Variants in STAT4 observed in about 807,000 individuals in gnomAD.
STAT4 encodes signal transducer and activator of transcription 4.
A neutral mutation model predicts 110.5 loss-of-function variants in STAT4; 42 were observed. The ratio of observed to expected loss-of-function variants is 0.38; its 90% CI spans 0.30 to 0.49. The LOEUF is 0.49. STAT4 is among the 20% of genes least tolerant of loss of function. The pLI, the probability that STAT4 is intolerant of heterozygous loss-of-function variation, is 0.95. For missense variants in STAT4, 632 were observed against 887.9 expected (o/e 0.71, Z 3.66); for synonymous variants, 284 against 302.2 (o/e 0.94, Z 0.63).
At chr2:191,089,377 A>G (rs1160208564) in intron 3 of STAT4, among the ~76,000 whole-genome samples, 1 of 152,234 alleles carries the variant, frequency 6.6e-6, no homozygotes, top group African/African-American at 2.4e-5. Context: ...CATCTATCAG[A>G]ACAATCAAAA....
rs748152156 is a variant in STAT4, at chr2:191,052,310, A to T, written c.1251+2180T>A. ...CGGTTCAATCTGTGGTTTGTTTTTAAATGTACCTAGGAGTCATACTAAAAT... is the reference window on the plus strand; with the variant it reads ...CGGTTCAATCTGTGGTTTGTTTTTATATGTACCTAGGAGTCATACTAAAAT... On this transcript the variant is annotated intron_variant, in intron 14 of 23. Coordinates refer to ENST00000392320, the MANE Select transcript of STAT4 (RefSeq NM_003151.4). 6.8e-3 allele frequency among the ~76,000 whole-genome samples: 1,040 copies of T among 152,284 alleles called. 4 individuals carry two copies. The highest frequency in any genetic ancestry group is 0.01 in the South Asian group (49 of 4,828).
chr2:191,038,437 TAGA>T (rs1222945670), intron 16 of STAT4, among the ~76,000 whole-genome samples: 1 of 152,230 alleles, frequency 6.6e-6, no homozygotes, highest in Non-Finnish European at 1.5e-5. Flanking sequence ...GGATCTAAAG[TAGA>T]AGAATTCTTC....
At chr2:191,134,458 C>G (rs1337117603) in intron 3 of STAT4, among the ~76,000 whole-genome samples, 2 of 152,178 alleles carry the variant, frequency 1.3e-5, no homozygotes, top group African/African-American at 4.8e-5. Context: ...ACATGGTCAG[C>G]CCACTGCTGC....
Position 191,104,971 on chromosome 2 carries a change from T to C in STAT4, c.274-28646A>G, listed in dbSNP as rs1172845047. ...AGGAAAGGTATAATCAGAGTTGGCA[T>C]TATTTTCAGGGAGAAGACCTGCTAT... On this transcript the variant is annotated intron_variant, in intron 3 of 23. Coordinates refer to ENST00000392320, the MANE Select transcript of STAT4 (RefSeq NM_003151.4). This position sits in a 1 kb window ranked among gnomAD's most constrained non-coding sequence, Gnocchi z 4.3. Among the ~76,000 whole-genome samples, 1 of 152,188 alleles carries C rather than the reference T, an allele frequency of 6.6e-6. No individual in the cohort carries two copies. Among genetic ancestry groups the C allele is most frequent in the Non-Finnish European group, 1.5e-5 (1 of 68,032 alleles).
In STAT4 at chr2:191,033,823, GC is replaced by G; in HGVS notation, c.1715+87del. 7.3e-7 allele frequency: 1 copy of G among 1,377,518 alleles called. No individual in the cohort carries two copies. The highest frequency in any genetic ancestry group is 1.0e-6 in the Non-Finnish European group (1 of 1,004,882). 85.3% of individuals were successfully genotyped at this position (1,377,518 alleles called of 1,614,324 possible). A position where few individuals can be genotyped will look rare whatever the true frequency, so the allele number is the denominator to read the frequency against. On this transcript the variant is annotated intron_variant, in intron 19 of 23. Coordinates refer to ENST00000392320, the MANE Select transcript of STAT4 (RefSeq NM_003151.4). This position sits in a 1 kb window ranked among gnomAD's most constrained non-coding sequence, Gnocchi z 6.9. ...TATTTTTTTCTGTGGTACTAAACAT[GC>G]TTAAGAGAAAAAGAAAGAAGAAAAC...
chr2:191,054,900 C>T (rs1215662526), intron 13 of STAT4, among the ~76,000 whole-genome samples: 5 of 152,202 alleles, frequency 3.3e-5, no homozygotes, highest in South Asian at 2.1e-4. Flanking sequence ...CCCTGAGAAA[C>T]CAAGTCTAAC....
chr2:191,138,062 T>C lies in STAT4; in HGVS notation c.273+8551A>G, dbSNP rs1456235941. 2.0e-5 allele frequency among the ~76,000 whole-genome samples: 3 copies of C among 151,612 alleles called. No homozygotes were observed. The highest frequency in any genetic ancestry group is 6.6e-5 in the Admixed American group (1 of 15,242). ...ACAGCAAAGGAAACAATCAGCAGAG[T>C]GAAGAGACAATCTGCTGAATGGGAG... On this transcript the variant is annotated intron_variant, in intron 3 of 23. Transcript: ENST00000392320. The surrounding 1 kb of genome is among the most constrained non-coding windows in gnomAD (Gnocchi z 4.3).
At chr2:191,064,679 T>C in intron 8 of STAT4, 128 bp downstream of exon 8, 3 of 1,135,132 alleles carry the variant, frequency 2.6e-6, no homozygotes, top group Non-Finnish European at 3.6e-6. Context: ...ATTTCTCAGC[T>C]GCTAATAAGC....
At position 191,058,863 on chromosome 2, in the gene STAT4, A is replaced by T; in HGVS notation, c.1035-94T>A. The T allele has an allele frequency of 1.4e-6, 1 of 691,588 alleles. No homozygotes were observed. Among genetic ancestry groups the T allele is most frequent in the Non-Finnish European group, 2.5e-6 (1 of 406,108 alleles). The allele number at this position is 691,588 out of a possible 1,614,324, so 42.8% of individuals were successfully genotyped here. A position where few individuals can be genotyped will look rare whatever the true frequency, so the allele number is the denominator to read the frequency against. On this transcript the variant is annotated intron_variant, in intron 10 of 23. Coordinates refer to ENST00000392320, the MANE Select transcript of STAT4 (RefSeq NM_003151.4). This position sits in a 1 kb window ranked among gnomAD's most constrained non-coding sequence, Gnocchi z 4.3. ...TTTAAACATTTAAATATACTATGAA[A>T]TATGCATATAAATAAACCTTACATT...
Position 191,062,826 on chromosome 2 carries a change from T to C in STAT4, c.877A>G (p.Ile293Val). The C allele has an allele frequency of 6.2e-7, 1 of 1,614,010 alleles. No homozygotes were observed. Among genetic ancestry groups the C allele is most frequent in the South Asian group, 1.1e-5 (1 of 91,088 alleles). Residue 293 changes from isoleucine (I) to valine (V), a missense_variant, in exon 9 of 24, where the codon ATT (isoleucine) becomes GTT (valine). Physicochemically the swap from Ile to Val is conservative, Grantham distance 29 (BLOSUM62 3). Around this residue, in one of 4 missense-constraint regions of STAT4, gnomAD observed 488 missense variants for 632.8 expected, o/e 0.77. Coordinates refer to ENST00000392320, the MANE Select transcript of STAT4 (RefSeq NM_003151.4). The surrounding 1 kb of genome is among the most constrained non-coding windows in gnomAD (Gnocchi z 4.9). ...STKMTYEGDP[I>V]PMQRTHMLER... Reference sequence around the variant, plus strand: ...AGCATGTGAGTTCTTTGCATTGGAATGGGATCACCTTCATATGTCATTTTG... The same window carrying C: ...AGCATGTGAGTTCTTTGCATTGGAACGGGATCACCTTCATATGTCATTTTG...
Position 191,107,805 on chromosome 2 carries a change from T to C in STAT4, c.274-31480A>G, listed in dbSNP as rs973790796. On this transcript the variant is annotated intron_variant, in intron 3 of 23. Coordinates refer to ENST00000392320, the MANE Select transcript of STAT4 (RefSeq NM_003151.4). The surrounding 1 kb of genome is among the most constrained non-coding windows in gnomAD (Gnocchi z 4.2). The stretch of plus-strand genomic sequence containing the variant: ...TATGGTCACAGGAAGAGAATCTCGA[T>C]GATAGTTTTAGTTTTTCAGCAAGTA... Among the ~76,000 whole-genome samples the C allele has an allele frequency of 6.6e-6, 1 of 152,188 alleles. No homozygotes were observed. Among genetic ancestry groups the C allele is most frequent in the Non-Finnish European group, 1.5e-5 (1 of 68,046 alleles).
At chr2:191,085,287 T>A (rs964755860) in intron 3 of STAT4, among the ~76,000 whole-genome samples, 3 of 152,012 alleles carry the variant, frequency 2.0e-5, no homozygotes, top group Non-Finnish European at 2.9e-5. Flanking sequence ...CAAAATCAAA[T>A]TCTAAATTCA....
At chr2:191,084,501 A>G (rs752978308) in intron 3 of STAT4, among the ~76,000 whole-genome samples, 4 of 152,214 alleles carry the variant, frequency 2.6e-5, no homozygotes, top group African/African-American at 9.6e-5. Flanking sequence ...AATACAAAGT[A>G]CATAAAAAAA....
chr2:191,074,117 G>A (rs186037139), intron 4 of STAT4, among the ~76,000 whole-genome samples: 1 of 152,262 alleles, frequency 6.6e-6, no homozygotes, highest in African/African-American at 2.4e-5. Flanking sequence ...ACATAAAAAT[G>A]TTAGCCTGGT....
In STAT4 at chr2:191,099,496, T is replaced by C. The variant is rs1159432593; in HGVS notation, c.274-23171A>G. On this transcript the variant is annotated intron_variant, in intron 3 of 23. Coordinates refer to ENST00000392320, the MANE Select transcript of STAT4 (RefSeq NM_003151.4). The surrounding 1 kb of genome is among the most constrained non-coding windows in gnomAD (Gnocchi z 4.1). ...GGATGGTTCAATAAACTGTAACACA[T>C]TTCCTACCATTAAAATGGAGGGATT... Among the ~76,000 whole-genome samples, 1 of 152,124 alleles carries C rather than the reference T, an allele frequency of 6.6e-6. No individual in the cohort carries two copies.
Position 191,076,234 on chromosome 2 carries a change from G to A in STAT4, c.365C>T (p.Pro122Leu). ...AAGGTCAGAAAATATTACCTGGACAGGCATGTTGGCTGCAGCCAATATTCT... is the reference window on the plus strand; with the variant it reads ...AAGGTCAGAAAATATTACCTGGACAAGCATGTTGGCTGCAGCCAATATTCT... ...ERRILAAANM[P>L]VQGPLEKSLQ... The change falls in exon 4 of 24, where the codon CCT (proline) becomes CTT (leucine). Residue 122 changes from proline (P) to leucine (L), a missense_variant. By Grantham distance (98) the Pro-to-Leu change is moderately conservative. This residue lies in a region of STAT4 where 488 missense variants were observed against 632.8 expected (regional missense o/e 0.77). Transcript: ENST00000392320. 6.2e-7 allele frequency: 1 copy of A among 1,612,712 alleles called. No homozygotes were observed.
Position 191,144,431 on chromosome 2 carries a change from T to C in STAT4, c.273+2182A>G, listed in dbSNP as rs1013921237. On this transcript the variant is annotated intron_variant, in intron 3 of 23. Transcript: ENST00000392320. The surrounding 1 kb of genome is among the most constrained non-coding windows in gnomAD (Gnocchi z 4.7). ...TGGACAAGGCTGAGTCATTCAAGAG[T>C]GTGTGTGACGTGTTCAGGAACAAGT... Among the ~76,000 whole-genome samples the C allele has an allele frequency of 6.6e-6, 1 of 151,530 alleles. No individual in the cohort carries two copies. Among genetic ancestry groups the C allele is most frequent in the Non-Finnish European group, 1.5e-5 (1 of 67,918 alleles).
intron 3 of STAT4, among the ~76,000 whole-genome samples, chr2:191,095,420 A>C (rs1028483247): frequency 6.6e-6 from 1 of 152,226 alleles, no homozygotes; most frequent in African/African-American, 2.4e-5. Flanking sequence ...TATCTCTCAG[A>C]CCACAGCGCA....
chr2:191,068,845 T>A (rs1312153851), intron 6 of STAT4, among the ~76,000 whole-genome samples: 1 of 152,100 alleles, frequency 6.6e-6, no homozygotes, highest in African/African-American at 2.4e-5. Context: ...TACTTTAAAC[T>A]ATTCTTCTAT....
Sources: allele counts gnomAD v4.1 joint callset (sites outside exome capture counted in the v4.1 genomes callset), GRCh38; gene constraint gnomAD v4.1.1; regional missense constraint gnomAD v4.1.1; non-coding constraint Gnocchi (gnomAD v3.1); transcripts MANE v1.5; gene names NCBI Gene and HGNC (gene_info 2026-07-23, HGNC 2026-07-21).